The following MORC1 variants were observed in gnomAD, a reference collection of about 807,000 sequenced individuals.
MORC1 encodes the protein MORC family CW-type zinc finger protein 1.
Under a neutral mutation model 134.9 loss-of-function variants are expected in MORC1, and 59 were observed. That is an observed-to-expected ratio of 0.44 (90% CI 0.35 to 0.54). The LOEUF is 0.54. Ranked by LOEUF, MORC1 falls within the 20% of genes least tolerant of loss-of-function variation. MORC1 has a pLI of 0.00. For synonymous variants in MORC1, 395 were observed against 391.7 expected, an observed-to-expected ratio of 1.01 and a Z score of -0.10; for missense variants, 947 against 1,134.5, an observed-to-expected ratio of 0.83 and a Z score of 2.37.
At chr3:109,006,953 T>C in intron 18 of MORC1, 76 bp downstream of exon 18, 3 of 1,168,346 alleles carry the variant, frequency 2.6e-6, no homozygotes, top group East Asian at 2.4e-5. Context: ...ATGATGACAG[T>C]TGGCCCTTGA....
intron 2 of MORC1, among the ~76,000 whole-genome samples, chr3:109,112,670 G>A (rs190103734): frequency 6.6e-6 from 1 of 152,192 alleles, no homozygotes; most frequent in Non-Finnish European, 1.5e-5. Flanking sequence ...CCTTGAGGTT[G>A]CTACTTCTCC....
rs368413884 is a variant in MORC1, at chr3:109,043,139, C to T, written c.1331-7671G>A. On this transcript the variant is annotated intron_variant, in intron 14 of 27. Transcript: ENST00000232603. Reference sequence around the variant, plus strand: ...CACAATAGCTAAAACATGGAAGCAACTCAAGTGTCTATCCACAGATGAATG... The same window carrying T: ...CACAATAGCTAAAACATGGAAGCAATTCAAGTGTCTATCCACAGATGAATG... 3.9e-5 allele frequency among the ~76,000 whole-genome samples: 5 copies of T among 128,332 alleles called. 1 individual carries two copies. In the East Asian group the frequency reaches 1.2e-3, roughly 30 times the overall value. 84.2% of individuals were successfully genotyped at this position (128,332 alleles called of 152,430 possible).
chr3:109,048,130 C>T (rs756225631), intron 14 of MORC1, among the ~76,000 whole-genome samples: 2 of 152,096 alleles, frequency 1.3e-5, no homozygotes, highest in South Asian at 4.1e-4. Flanking sequence ...TATAAGACAA[C>T]CAATCTGGTT....
intron 23 of MORC1, among the ~76,000 whole-genome samples, chr3:108,982,722 A>C (rs1299038288): frequency 9.0e-6 from 1 of 110,670 alleles, no homozygotes; most frequent in Non-Finnish European, 2.0e-5. Context: ...TAGAACTTAA[A>C]GTATAAAAAA....
chr3:109,025,372 C>CTTTTTTT (rs1176927651), intron 17 of MORC1, among the ~76,000 whole-genome samples: 1 of 109,026 alleles, frequency 9.2e-6, no homozygotes, highest in Non-Finnish European at 1.9e-5. Flanking sequence ...GTTTCTTTTT[C>CTTTTTTT]TTTTTTCTTT....
chr3:109,104,436 G>A (rs531123584), intron 3 of MORC1, among the ~76,000 whole-genome samples: 1 of 152,178 alleles, frequency 6.6e-6, no homozygotes, highest in South Asian at 2.1e-4. Flanking sequence ...TCTTCAAGAC[G>A]CACTTAATTT....
At chr3:109,040,454 A>AGGAAGGAG (rs1949501925) in intron 14 of MORC1, among the ~76,000 whole-genome samples, 1 of 147,646 alleles carries the variant, frequency 6.8e-6, no homozygotes, top group African/African-American at 2.5e-5. Flanking sequence ...GAAAGAAAGA[A>AGGAAGGAG]AGAAAGAAAG....
chr3:109,056,218 C>A (rs1438611497), intron 13 of MORC1, among the ~76,000 whole-genome samples: 3 of 151,846 alleles, frequency 2.0e-5, no homozygotes, highest in Non-Finnish European at 4.4e-5. Flanking sequence ...TCCAACTAAT[C>A]TAGGTTTTAT....
intron 2 of MORC1, among the ~76,000 whole-genome samples, chr3:109,111,076 A>T (rs75739434): frequency 6.6e-6 from 1 of 150,826 alleles, no homozygotes; most frequent in Non-Finnish European, 1.5e-5. Flanking sequence ...AAACAAAAAA[A>T]GCTGGCTGGC....
At chr3:109,009,978 C>T (rs893130383) in intron 17 of MORC1, among the ~76,000 whole-genome samples, 1 of 152,118 alleles carries the variant, frequency 6.6e-6, no homozygotes. Flanking sequence ...TTCTGTGTAA[C>T]TAATTGTAAG....
At chr3:109,077,590 C>G (rs1950446153) in intron 8 of MORC1, among the ~76,000 whole-genome samples, 1 of 151,226 alleles carries the variant, frequency 6.6e-6, no homozygotes, top group African/African-American at 2.4e-5. Flanking sequence ...ATTTGCAAAT[C>G]ATTAGAATAG....
intron 14 of MORC1, among the ~76,000 whole-genome samples, chr3:109,050,102 A>G (rs1160447673): frequency 2.0e-5 from 3 of 152,112 alleles, no homozygotes; most frequent in East Asian, 1.9e-4. Flanking sequence ...CCCCTCCCCA[A>G]CCTTTAGGAA....
chr3:109,054,747 G>A lies in MORC1; in HGVS notation c.1311C>T (p.Tyr437=). 6.3e-7 allele frequency: 1 copy of A among 1,582,966 alleles called. No individual in the cohort carries two copies. The highest frequency in any genetic ancestry group is 8.5e-7 in the Non-Finnish European group (1 of 1,171,748). Residue 437 remains tyrosine, a synonymous_variant, in exon 14 of 28, where the codon TAC becomes TAT. Coordinates refer to ENST00000232603, the MANE Select transcript of MORC1 (RefSeq NM_014429.4). ...ACTCACTGATGCCGGTGTCCTTACA[G>A]TACTGGACCAAGTACTGTCCCATGA... ...LKVMGQYLVQ[Y]CKDTGINNRN...
chr3:109,067,161 C>T (rs1950216629), intron 9 of MORC1, among the ~76,000 whole-genome samples: 1 of 152,136 alleles, frequency 6.6e-6, no homozygotes, highest in South Asian at 2.1e-4. Context: ...TATGAATGCA[C>T]AGTAACACCC....
chr3:109,038,520 T>C (rs192313400), intron 14 of MORC1, among the ~76,000 whole-genome samples: 4 of 152,338 alleles, frequency 2.6e-5, no homozygotes, highest in African/African-American at 7.2e-5. Context: ...TCCATGCCTA[T>C]GTCCTGAATG....
At chr3:108,987,805 C>A (rs141045043) in intron 21 of MORC1, among the ~76,000 whole-genome samples, 1 of 151,734 alleles carries the variant, frequency 6.6e-6, no homozygotes, top group South Asian at 2.1e-4. Context: ...TTTATGCCTG[C>A]GGGGAAAGAC....
At chr3:108,986,530 T>A (rs1947897861) in intron 22 of MORC1, among the ~76,000 whole-genome samples, 1 of 152,292 alleles carries the variant, frequency 6.6e-6, no homozygotes, top group Admixed American at 6.5e-5. Flanking sequence ...GTCATCATCA[T>A]AATTTTCAAA....
At chr3:109,057,074 A>C (rs1210622520) in intron 13 of MORC1, among the ~76,000 whole-genome samples, 2 of 152,222 alleles carry the variant, frequency 1.3e-5, no homozygotes, top group Admixed American at 6.5e-5. Context: ...TATGGCAAAG[A>C]GGTGGCACAA....
At chr3:109,085,876 T>C (rs1270762447) in intron 8 of MORC1, among the ~76,000 whole-genome samples, 3 of 152,034 alleles carry the variant, frequency 2.0e-5, no homozygotes, top group Non-Finnish European at 4.4e-5. Flanking sequence ...CATAAAGAAA[T>C]GTTGTACATA....
Sources: gnomAD v4.1 joint callset for allele counts (sites outside exome capture counted in the v4.1 genomes callset) on GRCh38, gnomAD v4.1.1 for gene constraint, MANE v1.5 for transcripts, NCBI Gene and HGNC (gene_info 2026-07-23, HGNC 2026-07-21) for gene names.